Variants in SLC44A5 observed in about 807,000 individuals in gnomAD.
SLC44A5 encodes solute carrier family 44 member 5.
Under a neutral mutation model 101.8 loss-of-function variants are expected in SLC44A5, and 57 were observed. The ratio of observed to expected loss-of-function variants is 0.56; its 90% CI spans 0.45 to 0.70. The LOEUF is 0.70. Ranked by LOEUF, SLC44A5 falls within the 30% of genes least tolerant of loss-of-function variation. The pLI is 0.00. For missense variants in SLC44A5, 737 were observed against 853.1 expected (o/e 0.86, Z 1.70); for synonymous variants, 281 against 290.9 (o/e 0.97, Z 0.35).
At chr1:75,392,933 T>C (rs1421703722) in intron 3 of SLC44A5, among the ~76,000 whole-genome samples, 1 of 152,116 alleles carries the variant, frequency 6.6e-6, no homozygotes, top group Non-Finnish European at 1.5e-5. Flanking sequence ...TTTTCCCGTA[T>C]AAGTGGGAGC....
intron 3 of SLC44A5, among the ~76,000 whole-genome samples, chr1:75,368,181 AC>A (rs1419392797): frequency 1.3e-5 from 2 of 151,078 alleles, no homozygotes; most frequent in Non-Finnish European, 3.0e-5. Flanking sequence ...AATTAAAAAA[AC>A]ACTCATAAAT....
At chr1:75,545,628 C>T (rs374979015) in intron 1 of SLC44A5, among the ~76,000 whole-genome samples, 15 of 152,244 alleles carry the variant, frequency 9.9e-5, no homozygotes, top group African/African-American at 3.6e-4. Flanking sequence ...GGCTTCTCCA[C>T]TTTTCATTCT....
chr1:75,631,073 G>C, the SLC44A5 span, among the ~76,000 whole-genome samples: 1 of 152,148 alleles, frequency 6.6e-6, no homozygotes, highest in Non-Finnish European at 1.5e-5. Flanking sequence ...TTCTCCATCA[G>C]AGGCTGGTAC....
intron 2 of SLC44A5, among the ~76,000 whole-genome samples, chr1:75,474,411 T>C (rs1372378256): frequency 6.6e-6 from 1 of 152,238 alleles, no homozygotes; most frequent in African/African-American, 2.4e-5. Context: ...ACGAGAACAC[T>C]ACTTTCAATC....
At chr1:75,229,377 C>G (rs1282690178) in intron 12 of SLC44A5, among the ~76,000 whole-genome samples, 2 of 152,008 alleles carry the variant, frequency 1.3e-5, no homozygotes, top group African/African-American at 4.8e-5. Context: ...AGGCTCTGCC[C>G]CCTTCATAAA....
chr1:75,578,979 C>T (rs1161902718), intron 1 of SLC44A5, among the ~76,000 whole-genome samples: 1 of 151,984 alleles, frequency 6.6e-6, no homozygotes, highest in Non-Finnish European at 1.5e-5. Flanking sequence ...CATAATCTAC[C>T]ATATGTACTA....
chr1:75,523,035 T>C (rs1384228699), intron 2 of SLC44A5, among the ~76,000 whole-genome samples: 2 of 152,204 alleles, frequency 1.3e-5, no homozygotes, highest in Non-Finnish European at 2.9e-5. Context: ...ACCTACTATG[T>C]GCCAGGACCT....
chr1:75,218,705 A>G lies in SLC44A5; in HGVS notation c.1314T>C (p.Cys438=). 2 of 1,613,668 alleles carry G rather than the reference A, an allele frequency of 1.2e-6. No individual in the cohort carries two copies. Among genetic ancestry groups the G allele is most frequent in the East Asian group, 4.5e-5 (2 of 44,816 alleles). The change falls in exon 17 of 24, where the codon TGT becomes TGC. Residue 438 remains cysteine, a synonymous_variant. Coordinates refer to ENST00000370859, the MANE Select transcript of SLC44A5 (RefSeq NM_001130058.2). ...EIAKACPGAL[C]NFAFYGGKSL... ...TCTTTCCACCATAGAAAGCAAAGTT[A>G]CACAGAGCCCCAGGGCAAGCTTTGG...
chr1:75,635,472 T>C, the SLC44A5 span, among the ~76,000 whole-genome samples: 54,884 of 151,368 alleles, frequency 0.36, 11,468 homozygotes, highest in East Asian at 0.93. Flanking sequence ...TGGAATACTA[T>C]GCAGCCATAA....
chr1:75,335,382 A>C (rs1429886837), intron 4 of SLC44A5, among the ~76,000 whole-genome samples: 1 of 152,192 alleles, frequency 6.6e-6, no homozygotes, highest in Non-Finnish European at 1.5e-5. Context: ...ACTGATGTTC[A>C]TGTTGCCCTG....
chr1:75,506,455 T>C (rs374073983), intron 2 of SLC44A5, among the ~76,000 whole-genome samples: 1 of 152,152 alleles, frequency 6.6e-6, no homozygotes, highest in Admixed American at 6.5e-5. Context: ...GCTATTTTAA[T>C]TATATTAATT....
At chr1:75,302,893 G>C (rs1654607765) in intron 4 of SLC44A5, among the ~76,000 whole-genome samples, 1 of 152,140 alleles carries the variant, frequency 6.6e-6, no homozygotes, top group Non-Finnish European at 1.5e-5. Flanking sequence ...GACAGAGTTT[G>C]ATGGCATGAG....
At chr1:75,549,995 T>C (rs1277218638) in intron 1 of SLC44A5, among the ~76,000 whole-genome samples, 1 of 152,084 alleles carries the variant, frequency 6.6e-6, no homozygotes, top group Non-Finnish European at 1.5e-5. Flanking sequence ...GCATTTTAAT[T>C]AAAATATAAT....
chr1:75,678,956 G>A, the SLC44A5 span, among the ~76,000 whole-genome samples: 140 of 152,314 alleles, frequency 9.2e-4, no homozygotes, highest in African/African-American at 3.3e-3. Context: ...CGAGAACTAC[G>A]TGAAGAATGC....
At chr1:75,581,361 T>G (rs1434387316) in intron 1 of SLC44A5, among the ~76,000 whole-genome samples, 1 of 152,100 alleles carries the variant, frequency 6.6e-6, no homozygotes, top group Non-Finnish European at 1.5e-5. Context: ...TTGAAAGAAA[T>G]GGTGGAGGTA....
At chr1:75,683,885 T>C in the SLC44A5 span, among the ~76,000 whole-genome samples, 1 of 152,022 alleles carries the variant, frequency 6.6e-6, no homozygotes, top group Admixed American at 6.6e-5. Flanking sequence ...AGATATTCCA[T>C]GCAAACAGAA....
intron 13 of SLC44A5, among the ~76,000 whole-genome samples, chr1:75,224,717 T>A (rs1647161308): frequency 6.6e-6 from 1 of 151,570 alleles, no homozygotes; most frequent in African/African-American, 2.4e-5. Flanking sequence ...ATTATAGGCA[T>A]GAGCCACCAC....
the SLC44A5 span, among the ~76,000 whole-genome samples, chr1:75,635,708 A>G: frequency 5.3e-5 from 8 of 151,404 alleles, no homozygotes; most frequent in South Asian, 2.1e-4. Flanking sequence ...CCTAATGCTA[A>G]ATGACGAGTT....
intron 5 of SLC44A5, among the ~76,000 whole-genome samples, chr1:75,277,286 A>G (rs1469408163): frequency 1.3e-5 from 2 of 152,208 alleles, no homozygotes; most frequent in East Asian, 1.9e-4. Flanking sequence ...ATTGCTCACA[A>G]TGTGACAGCT....
Sources: allele counts gnomAD v4.1 joint callset (sites outside exome capture counted in the v4.1 genomes callset), GRCh38; gene constraint gnomAD v4.1.1; transcripts MANE v1.5; gene names NCBI Gene and HGNC (gene_info 2026-07-23, HGNC 2026-07-21).